FAM171A1: variants seen among roughly 807,000 people sequenced by gnomAD.
FAM171A1 encodes protein FAM171A1.
FAM171A1 carries 23 observed loss-of-function variants against 74.9 expected under a neutral mutation model. The ratio of observed to expected loss-of-function variants is 0.31; its 90% CI spans 0.22 to 0.44. The LOEUF (loss-of-function observed/expected upper bound fraction) is 0.44, where lower values mean the gene tolerates loss of function less well. Among genes scored for constraint, FAM171A1 ranks in the 20% least tolerant of loss-of-function variants. FAM171A1 has a pLI of 1.00. For synonymous variants in FAM171A1, 527 were observed against 505.7 expected, an observed-to-expected ratio of 1.04 and a Z score of -0.57; for missense variants, 1,162 against 1,159.2, an observed-to-expected ratio of 1.00 and a Z score of -0.03.
chr10:15,373,810 TTAGTA>T (rs1414533259), upstream of FAM171A1, among the ~76,000 whole-genome samples: 1 of 152,228 alleles, frequency 6.6e-6, no homozygotes, highest in Non-Finnish European at 1.5e-5. Flanking sequence ...GTTTGTGATC[TTAGTA>T]TAGAGTTCCA....
intron 1 of FAM171A1, among the ~76,000 whole-genome samples, chr10:15,358,999 T>G (rs1384193479): frequency 6.6e-6 from 1 of 152,208 alleles, no homozygotes; most frequent in Non-Finnish European, 1.5e-5. Flanking sequence ...CTCACAGTCC[T>G]CTTCTATAGA....
At chr10:15,220,526 G>T (rs1354438389) in intron 6 of FAM171A1, among the ~76,000 whole-genome samples, 5 of 152,150 alleles carry the variant, frequency 3.3e-5, no homozygotes, top group Non-Finnish European at 7.3e-5. Context: ...AGCCATTTTG[G>T]AAATGCCCCA....
At chr10:15,342,681 C>T (rs979906299) in intron 1 of FAM171A1, among the ~76,000 whole-genome samples, 8 of 152,142 alleles carry the variant, frequency 5.3e-5, no homozygotes, top group African/African-American at 1.9e-4. Flanking sequence ...TTTCACTAGC[C>T]CAGGTCACCA....
intron 1 of FAM171A1, among the ~76,000 whole-genome samples, chr10:15,337,147 T>A (rs1835710706): frequency 6.6e-6 from 1 of 151,932 alleles, no homozygotes; most frequent in Admixed American, 6.6e-5. Flanking sequence ...TCCCAAAGTG[T>A]CAGGATTACA....
chr10:15,299,072 C>T (rs1835195899), intron 1 of FAM171A1, among the ~76,000 whole-genome samples: 1 of 152,144 alleles, frequency 6.6e-6, no homozygotes, highest in Admixed American at 6.5e-5. Flanking sequence ...AGGCACGCAC[C>T]ACCACGCCCG....
chr10:15,314,790 G>T (rs956354477), intron 1 of FAM171A1, among the ~76,000 whole-genome samples: 2 of 152,340 alleles, frequency 1.3e-5, no homozygotes, highest in African/African-American at 4.8e-5. Context: ...GGAAGTTGGG[G>T]AGTATCCGCT....
chr10:15,251,982 G>A (rs773285505), intron 4 of FAM171A1, among the ~76,000 whole-genome samples: 48 of 152,270 alleles, frequency 3.2e-4, no homozygotes, highest in Non-Finnish European at 6.5e-4. Flanking sequence ...CACTCGTCAC[G>A]TGACAGGTTC....
At chr10:15,357,650 T>A (rs1221352485) in intron 1 of FAM171A1, among the ~76,000 whole-genome samples, 2 of 152,164 alleles carry the variant, frequency 1.3e-5, no homozygotes, top group East Asian at 3.8e-4. Context: ...GAACACTAAT[T>A]AATGAGATAC....
intron 1 of FAM171A1, 103 bp downstream of exon 1, chr10:15,370,853 C>G (rs1466090876): frequency 7.6e-6 from 3 of 396,212 alleles, no homozygotes; most frequent in Non-Finnish European, 6.8e-6. Flanking sequence ...GCTGCGTCGC[C>G]ACCACGCGGC....
At chr10:15,233,148 A>T (rs1834229582) in intron 5 of FAM171A1, among the ~76,000 whole-genome samples, 1 of 151,978 alleles carries the variant, frequency 6.6e-6, no homozygotes, top group African/African-American at 2.4e-5. Flanking sequence ...ACAAAAAATT[A>T]GCTTGGCGTG....
intron 1 of FAM171A1, among the ~76,000 whole-genome samples, chr10:15,364,576 T>C (rs1051453520): frequency 9.2e-5 from 14 of 152,182 alleles, no homozygotes; most frequent in Admixed American, 9.2e-4. Flanking sequence ...TCCCTATTGC[T>C]GCCATAACAA....
At chr10:15,317,533 T>C (rs111676545) in intron 1 of FAM171A1, among the ~76,000 whole-genome samples, 11,984 of 152,194 alleles carry the variant, frequency 0.079, 501 homozygotes, top group South Asian at 0.12. Flanking sequence ...TAGCTGGGAT[T>C]ACAGGCATGC....
chr10:15,371,462 C>G (rs1275784503), upstream of FAM171A1, among the ~76,000 whole-genome samples: 2 of 151,484 alleles, frequency 1.3e-5, no homozygotes, highest in East Asian at 2.0e-4. Context: ...CCCGCAGCCC[C>G]GCAGAAGAGC....
At chr10:15,285,738 G>A (rs979668812) in intron 1 of FAM171A1, among the ~76,000 whole-genome samples, 2 of 152,192 alleles carry the variant, frequency 1.3e-5, no homozygotes, top group African/African-American at 4.8e-5. Flanking sequence ...AGGAAGGTGG[G>A]GAAAGGACTA....
intron 1 of FAM171A1, among the ~76,000 whole-genome samples, chr10:15,297,904 T>G (rs561133224): frequency 3.3e-5 from 5 of 152,334 alleles, no homozygotes; most frequent in Middle Eastern, 3.4e-3. Flanking sequence ...ATAGCTATGT[T>G]CTTGTAACTA....
At chr10:15,344,007 A>T (rs561591253) in intron 1 of FAM171A1, among the ~76,000 whole-genome samples, 1 of 152,330 alleles carries the variant, frequency 6.6e-6, no homozygotes, top group South Asian at 2.1e-4. Context: ...TTTCTATAAC[A>T]GGCAAGAAAC....
chr10:15,362,538 A>G lies in FAM171A1; in HGVS notation c.97+8418T>C, dbSNP rs181550290. Among the ~76,000 whole-genome samples, 533 of 152,314 alleles carry G rather than the reference A, an allele frequency of 3.5e-3. 1 individual carries two copies. The highest frequency in any genetic ancestry group is 0.012 in the African/African-American group (503 of 41,570). ...CTGGCCCGTCTCTACTAAATCTGAG[A>G]TGGGGTGAAACCCCATCTCTACTAA... On this transcript the variant is annotated intron_variant, in intron 1 of 7. Coordinates refer to ENST00000378116, the MANE Select transcript of FAM171A1 (RefSeq NM_001010924.2).
chr10:15,250,557 A>C (rs10466284), intron 4 of FAM171A1, among the ~76,000 whole-genome samples: 540 of 152,370 alleles, frequency 3.5e-3, no homozygotes, highest in African/African-American at 0.012. Flanking sequence ...CAGGAGTTCA[A>C]GAACAGCTTG....
rs372774043 is a variant in FAM171A1, at chr10:15,213,519, T to A, written c.2069A>T (p.Glu690Val). Residue 690 changes from glutamate (E) to valine (V), a missense_variant, in exon 8 of 8, where the codon GAA becomes GTA. Physicochemically the swap from Glu to Val is moderately radical, Grantham distance 121. Coordinates refer to ENST00000378116, the MANE Select transcript of FAM171A1 (RefSeq NM_001010924.2). The surrounding 1 kb of genome is among the most constrained non-coding windows in gnomAD (Gnocchi z 6.8). ...QMNSEVQLLTEKALMELGGGK... is the reference protein window; with the variant it reads ...QMNSEVQLLTVKALMELGGGK... ...ACCCCCAAGCTCCATCAGGGCCTTT[T>A]CAGTCAGGAGCTGCACCTCACTGTT... 6.2e-7 allele frequency: 1 copy of A among 1,614,018 alleles called. No homozygotes were observed. The highest frequency in any genetic ancestry group is 1.3e-5 in the African/African-American group (1 of 74,926).
Sources: gnomAD v4.1 joint callset for allele counts (sites outside exome capture counted in the v4.1 genomes callset) on GRCh38, gnomAD v4.1.1 for gene constraint, Gnocchi (gnomAD v3.1) non-coding constraint, MANE v1.5 for transcripts, NCBI Gene and HGNC (gene_info 2026-07-23, HGNC 2026-07-21) for gene names.